The following NCKAP5 variants were observed in gnomAD, a reference collection of about 807,000 sequenced individuals.
NCKAP5 encodes the protein nck-associated protein 5.
A neutral mutation model predicts 167.0 loss-of-function variants in NCKAP5; 92 were observed. The ratio of observed to expected loss-of-function variants is 0.55; its 90% confidence interval spans 0.47 to 0.66. NCKAP5 has a LOEUF of 0.66. Among genes scored for constraint, NCKAP5 ranks in the 30% least tolerant of loss-of-function variants. NCKAP5 has a pLI of 0.00. For missense variants in NCKAP5, 2,378 were observed against 2,315.0 expected, an observed-to-expected ratio of 1.03 and a Z score of -0.56; for synonymous variants, 891 against 877.4, an observed-to-expected ratio of 1.02 and a Z score of -0.27.
intron 8 of NCKAP5, among the ~76,000 whole-genome samples, chr2:132,940,454 A>G (rs1308125823): frequency 1.3e-5 from 2 of 152,232 alleles, no homozygotes; most frequent in Non-Finnish European, 1.5e-5. Context: ...AACATACCAA[A>G]TAGAAAGACA....
At chr2:133,340,409 T>G (rs1483429235) in intron 3 of NCKAP5, among the ~76,000 whole-genome samples, 1 of 152,202 alleles carries the variant, frequency 6.6e-6, no homozygotes, top group African/African-American at 2.4e-5. Context: ...ACATGGTATT[T>G]CAAACATTGG....
chr2:133,454,236 T>C (rs1691714598), intron 3 of NCKAP5, among the ~76,000 whole-genome samples: 1 of 152,092 alleles, frequency 6.6e-6, no homozygotes, highest in Non-Finnish European at 1.5e-5. Context: ...TATAAATGGC[T>C]ATTCAGAATG....
intron 3 of NCKAP5, among the ~76,000 whole-genome samples, chr2:133,516,510 A>G (rs187424749): frequency 1.6e-3 from 243 of 152,350 alleles, no homozygotes; most frequent in African/African-American, 5.3e-3. Flanking sequence ...CAAGTCCCAG[A>G]AACTCACATC....
chr2:132,862,859 T>C (rs1246763611), intron 10 of NCKAP5, among the ~76,000 whole-genome samples: 1 of 152,156 alleles, frequency 6.6e-6, no homozygotes, highest in Admixed American at 6.5e-5. Context: ...TTCACTCTTG[T>C]TGTCCAGGCT....
At chr2:133,212,890 G>A (rs1441374316) in intron 5 of NCKAP5, among the ~76,000 whole-genome samples, 1 of 152,154 alleles carries the variant, frequency 6.6e-6, no homozygotes, top group Non-Finnish European at 1.5e-5. Flanking sequence ...ACCCTTTTCA[G>A]TGGATGGCCT....
Position 133,542,607 on chromosome 2 carries a change from C to A in NCKAP5, c.-62+16443G>T, listed in dbSNP as rs76674387. On this transcript the variant is annotated intron_variant, in intron 2 of 19. Coordinates refer to ENST00000409261, the MANE Select transcript of NCKAP5 (RefSeq NM_207363.3). Reference sequence around the variant, plus strand: ...TCGCAGTTCTCCTTTCCTCCCTGCTCACATAACCAGCAGTGGCTCCAGTGT... The same window carrying A: ...TCGCAGTTCTCCTTTCCTCCCTGCTAACATAACCAGCAGTGGCTCCAGTGT... 1.4e-4 allele frequency among the ~76,000 whole-genome samples: 21 copies of A among 152,292 alleles called. 1 individual carries two copies. The East Asian group carries it at 4.1e-3, about 29-fold the overall frequency.
intron 6 of NCKAP5, among the ~76,000 whole-genome samples, chr2:133,012,174 C>A (rs548971989): frequency 6.6e-6 from 1 of 152,178 alleles, no homozygotes; most frequent in Non-Finnish European, 1.5e-5. Flanking sequence ...TCTGCTTTCA[C>A]GTTTTTCCTC....
intron 6 of NCKAP5, among the ~76,000 whole-genome samples, chr2:133,012,080 T>A (rs1393633208): frequency 2.0e-5 from 3 of 152,118 alleles, no homozygotes; most frequent in Admixed American, 2.0e-4. Context: ...AATGGATGCC[T>A]CCTTTGTCTC....
intron 4 of NCKAP5, among the ~76,000 whole-genome samples, chr2:133,225,619 T>C (rs1205278687): frequency 6.6e-6 from 1 of 151,952 alleles, no homozygotes; most frequent in Non-Finnish European, 1.5e-5. Context: ...GGTTTTATTA[T>C]CATTATTTTT....
At chr2:132,976,693 T>C (rs528640430) in intron 7 of NCKAP5, among the ~76,000 whole-genome samples, 2 of 152,138 alleles carry the variant, frequency 1.3e-5, no homozygotes, top group South Asian at 4.1e-4. Context: ...GTAATGCATA[T>C]GTTAATTAGC....
intron 11 of NCKAP5, among the ~76,000 whole-genome samples, chr2:132,859,924 C>G (rs928391472): frequency 2.0e-5 from 3 of 152,082 alleles, no homozygotes; most frequent in Non-Finnish European, 4.4e-5. Flanking sequence ...GCTTGACTTT[C>G]CACAGCTTTC....
At chr2:133,265,302 T>C (rs1339731169) in intron 4 of NCKAP5, among the ~76,000 whole-genome samples, 2 of 152,136 alleles carry the variant, frequency 1.3e-5, no homozygotes. Context: ...TGGCTGCCTG[T>C]TACTCAGCAA....
chr2:133,116,907 A>G (rs2082103110), intron 6 of NCKAP5: 1 of 152,226 alleles, frequency 6.6e-6, no homozygotes, highest in Non-Finnish European at 1.5e-5. Context: ...GTAGAAACAC[A>G]ACTGGTACAA....
At chr2:133,256,466 A>G (rs1314936280) in intron 4 of NCKAP5, among the ~76,000 whole-genome samples, 1 of 152,236 alleles carries the variant, frequency 6.6e-6, no homozygotes. Flanking sequence ...TGTTAATAAT[A>G]TATAATGTTT....
At chr2:132,816,456 A>G (rs1574313391) in intron 11 of NCKAP5, among the ~76,000 whole-genome samples, 2 of 152,036 alleles carry the variant, frequency 1.3e-5, no homozygotes, top group Admixed American at 1.3e-4. Context: ...GCTTGTTTCA[A>G]TGGATTTCCT....
At chr2:132,731,709 T>C (rs763257312) in intron 17 of NCKAP5, 28 bp downstream of exon 17, 3 of 1,546,754 alleles carry the variant, frequency 1.9e-6, no homozygotes, top group African/African-American at 2.8e-5. Context: ...GCAAATGTCT[T>C]ATTAAGGGTG....
rs752890980 is a variant in NCKAP5, at chr2:132,784,301, G to A, written c.2510C>T (p.Pro837Leu). ...TGAGAGTTTCCCAGGAGCTAAGGCT[G>A]GTGATTTTTCAAGAGTCACCAGGCC... ...SSGLVTLEKS[P>L]ALAPGKLSRF... The change falls in exon 14 of 20, where the codon CCA becomes CTA. Residue 837 changes from proline (P) to leucine (L), a missense_variant. By Grantham distance (98) the Pro-to-Leu change is moderately conservative. This residue lies in a region of NCKAP5 where 1,049 missense variants were observed against 1,023.4 expected (regional missense o/e 1.02). Coordinates refer to ENST00000409261, the MANE Select transcript of NCKAP5 (RefSeq NM_207363.3). 3 of 1,613,892 alleles carry A rather than the reference G, an allele frequency of 1.9e-6. No individual in the cohort carries two copies. In the Admixed American group the frequency reaches 5.0e-5, roughly 27 times the overall value.
At position 133,538,908 on chromosome 2, in the gene NCKAP5, GT is replaced by G. The variant is rs1225963701; in HGVS notation, c.-62+20141del. Reference sequence around the variant, plus strand: ...CTGAGATGTACCTAGTTTTTTTTTGGTTTTTTTTTGTGGTTTTTTTGGGTTT... The same window carrying G: ...CTGAGATGTACCTAGTTTTTTTTTGGTTTTTTTTGTGGTTTTTTTGGGTTT... On this transcript the variant is annotated intron_variant, in intron 2 of 19. Coordinates refer to ENST00000409261, the MANE Select transcript of NCKAP5 (RefSeq NM_207363.3). Among the ~76,000 whole-genome samples, 7 of 126,922 alleles carry G rather than the reference GT, an allele frequency of 5.5e-5. No individual in the cohort carries two copies. In the South Asian group the frequency reaches 1.0e-3, roughly 19 times the overall value. The allele number at this position is 126,922 out of a possible 152,430, so 83.3% of individuals were successfully genotyped here. A position where few individuals can be genotyped will look rare whatever the true frequency, so the allele number is the denominator to read the frequency against.
intron 3 of NCKAP5, among the ~76,000 whole-genome samples, chr2:133,474,901 C>G (rs1362435414): frequency 1.3e-5 from 2 of 152,044 alleles, no homozygotes; most frequent in Admixed American, 1.3e-4. Context: ...ACCTCTGCCT[C>G]CTGGGGTCAA....
Sources: gnomAD v4.1 joint callset for allele counts (sites outside exome capture counted in the v4.1 genomes callset) on GRCh38, gnomAD v4.1.1 for gene constraint, gnomAD v4.1.1 regional missense constraint, MANE v1.5 for transcripts, NCBI Gene and HGNC (gene_info 2026-07-23, HGNC 2026-07-21) for gene names.